MAST4: variants seen among roughly 807,000 people sequenced by gnomAD.
The protein encoded by MAST4 is microtubule associated serine/threonine kinase family member 4.
In MAST4, 89 loss-of-function variants were observed where a neutral mutation model predicts 162.7. The observed-to-expected ratio is 0.55, with a 90% CI of 0.46 to 0.65. The LOEUF is 0.65. MAST4 is among the 30% of genes least tolerant of loss of function. The probability of loss-of-function intolerance (pLI) is 0.00; values close to 1 mark genes in which losing one functional copy is unlikely to be tolerated. For missense variants in MAST4, 3,153 were observed against 3,374.0 expected (o/e 0.93, Z 1.62); for synonymous variants, 1,479 against 1,361.1 (o/e 1.09, Z -1.91).
chr5:66,989,434 G>C (rs370545889), intron 4 of MAST4, among the ~76,000 whole-genome samples: 11 of 152,164 alleles, frequency 7.2e-5, no homozygotes, highest in African/African-American at 2.7e-4. Context: ...AGTTTTCACT[G>C]TCTCACTGAG....
intron 1 of MAST4, among the ~76,000 whole-genome samples, chr5:66,653,950 G>A (rs762099685): frequency 3.3e-5 from 5 of 152,168 alleles, no homozygotes; most frequent in Non-Finnish European, 7.4e-5. Flanking sequence ...AACCACATAT[G>A]TGTCCCAGAA....
At chr5:66,760,304 C>T (rs536335551) in intron 2 of MAST4, among the ~76,000 whole-genome samples, 2 of 151,690 alleles carry the variant, frequency 1.3e-5, no homozygotes, top group Admixed American at 1.3e-4. Flanking sequence ...TTATTGGAGA[C>T]GGGGTTTCAC....
chr5:66,699,986 G>T (rs1749661208), intron 1 of MAST4, among the ~76,000 whole-genome samples: 1 of 151,968 alleles, frequency 6.6e-6, no homozygotes, highest in Non-Finnish European at 1.5e-5. Flanking sequence ...TTGCATGAAT[G>T]AATCAATTAT....
intron 4 of MAST4, among the ~76,000 whole-genome samples, chr5:66,963,334 A>C (rs1422913048): frequency 6.6e-6 from 1 of 152,180 alleles, no homozygotes; most frequent in African/African-American, 2.4e-5. Context: ...AAAAACTACG[A>C]TATTTCACCT....
chr5:66,750,305 G>A (rs986687663), intron 1 of MAST4, among the ~76,000 whole-genome samples: 1 of 152,184 alleles, frequency 6.6e-6, no homozygotes, highest in African/African-American at 2.4e-5. Context: ...CAAGATGGCC[G>A]AATAGGAACA....
chr5:67,110,349 A>T, intron 11 of MAST4, 150 bp downstream of exon 11: 1 of 613,176 alleles, frequency 1.6e-6, no homozygotes, highest in Admixed American at 2.7e-5. Context: ...GATGATGTCG[A>T]TATGTGACTT....
At chr5:66,684,584 T>A (rs568439692) in intron 1 of MAST4, among the ~76,000 whole-genome samples, 10 of 152,170 alleles carry the variant, frequency 6.6e-5, no homozygotes, top group African/African-American at 2.4e-4. Context: ...ACATACACAT[T>A]TGAATAAAAG....
At chr5:67,129,414 C>A (rs1175195116) in intron 14 of MAST4, among the ~76,000 whole-genome samples, 2 of 152,090 alleles carry the variant, frequency 1.3e-5, no homozygotes, top group Non-Finnish European at 2.9e-5. Context: ...CCAATGGTAT[C>A]ATTTAGAAAA....
intron 1 of MAST4, among the ~76,000 whole-genome samples, chr5:66,757,409 A>G (rs985097565): frequency 1.3e-5 from 2 of 152,212 alleles, no homozygotes; most frequent in South Asian, 2.1e-4. Flanking sequence ...TTCAATGTCT[A>G]TGGCACATTG....
intron 26 of MAST4, among the ~76,000 whole-genome samples, chr5:67,155,984 G>A (rs530791661): frequency 2.0e-5 from 3 of 151,670 alleles, no homozygotes; most frequent in South Asian, 2.1e-4. Context: ...TCTTGAACCC[G>A]GGAGGCGGAG....
At chr5:67,049,027 A>ATATATATACACG (rs1561576270) in intron 4 of MAST4, among the ~76,000 whole-genome samples, 25 of 84,008 alleles carry the variant, frequency 3.0e-4, no homozygotes, top group Middle Eastern at 6.6e-3. Context: ...ATATACGTAT[A>ATATATATACACG]TATATATATA....
intron 10 of MAST4, among the ~76,000 whole-genome samples, chr5:67,105,023 G>A (rs1006835982): frequency 6.6e-6 from 1 of 152,138 alleles, no homozygotes; most frequent in Admixed American, 6.6e-5. Flanking sequence ...AGTAGTGAAT[G>A]GCAACCTATA....
At chr5:67,134,860 A>G (rs548838036) in intron 18 of MAST4, among the ~76,000 whole-genome samples, 172 bp downstream of exon 18, 7 of 152,350 alleles carry the variant, frequency 4.6e-5, no homozygotes, top group African/African-American at 1.4e-4. Context: ...ATCTCAAGAG[A>G]GCAATTTTTG....
At chr5:66,789,895 T>A in intron 3 of MAST4, 1 of 416,294 alleles carries the variant, frequency 2.4e-6, no homozygotes, top group East Asian at 7.1e-5. Context: ...TTCAGCACTC[T>A]CCATAAATAT....
Position 67,166,270 on chromosome 5 carries a change from A to G in MAST4, c.7091A>G (p.Asn2364Ser), listed in dbSNP as rs1292816731. ...TDKSPSQPAANTDRRAEGKKC... is the reference protein window; with the variant it reads ...TDKSPSQPAASTDRRAEGKKC... ...AAAAGCCCGAGTCAGCCGGCCGCCA[A>G]CACCGACAGAAGGGCGGAAGGGAAG... The change falls in exon 29 of 29, where the codon AAC (asparagine) becomes AGC (serine). Residue 2364 changes from asparagine (N) to serine (S), a missense_variant. Asn to Ser is a conservative substitution (Grantham distance 46, BLOSUM62 1). Coordinates refer to ENST00000403625, the MANE Select transcript of MAST4 (RefSeq NM_001164664.2). 4 of 1,555,526 alleles carry G rather than the reference A, an allele frequency of 2.6e-6. No individual in the cohort carries two copies. The highest frequency in any genetic ancestry group is 3.5e-6 in the Non-Finnish European group (4 of 1,149,068).
Position 67,168,728 on chromosome 5 carries a change from A to C in MAST4, c.*1677A>C, listed in dbSNP as rs1311126629. On this transcript the variant is annotated 3_prime_UTR_variant, in exon 29 of 29. Coordinates refer to ENST00000403625, the MANE Select transcript of MAST4 (RefSeq NM_001164664.2). ...AAACTCTCTTGGGGGATGTCTTAGTATCTTCACGCTATAAAATTGTTCATC... is the reference window on the plus strand; with the variant it reads ...AAACTCTCTTGGGGGATGTCTTAGTCTCTTCACGCTATAAAATTGTTCATC... The C allele has an allele frequency of 1.3e-5, 2 of 152,200 alleles. No homozygotes were observed. Among genetic ancestry groups the C allele is most frequent in the African/African-American group, 4.8e-5 (2 of 41,458 alleles). The allele number at this position is 152,200 out of a possible 1,614,324, so 9.4% of individuals were successfully genotyped here. A position where few individuals can be genotyped will look rare whatever the true frequency, so the allele number is the denominator to read the frequency against.
rs1431562891 is a variant in MAST4 at position 66,997,111 on chromosome 5, CT to C, written c.675-57289del. ...AATCTGTGTGCATACTTGATTGTAT[CT>C]TTTGTATAAATATTGCATATTAAAT... is the stretch of plus-strand genomic sequence containing the variant. On this transcript the variant is annotated intron_variant, in intron 4 of 28. Transcript: ENST00000403625. 7.9e-5 allele frequency among the ~76,000 whole-genome samples: 12 copies of C among 152,056 alleles called. No homozygotes were observed. In the East Asian group the frequency reaches 2.3e-3, roughly 29 times the overall value.
At chr5:66,761,926 T>G (rs971983698) in intron 2 of MAST4, among the ~76,000 whole-genome samples, 6 of 152,248 alleles carry the variant, frequency 3.9e-5, no homozygotes, top group African/African-American at 1.4e-4. Flanking sequence ...CATCCTTTTA[T>G]TTATTAATTT....
chr5:66,635,957 T>G (rs1298344563), intron 1 of MAST4, among the ~76,000 whole-genome samples: 1 of 121,802 alleles, frequency 8.2e-6, no homozygotes, highest in Non-Finnish European at 1.7e-5. Context: ...TTTTTTTTTT[T>G]TTTTTTTTTT....
Sources: gnomAD v4.1 joint callset for allele counts (sites outside exome capture counted in the v4.1 genomes callset) on GRCh38, gnomAD v4.1.1 for gene constraint, MANE v1.5 for transcripts, NCBI Gene and HGNC (gene_info 2026-07-23, HGNC 2026-07-21) for gene names.